IQCF1: variants seen among roughly 807,000 people sequenced by gnomAD.
The protein encoded by IQCF1 is IQ domain-containing protein F1.
IQCF1 carries 9 observed loss-of-function variants against 12.5 expected under a neutral mutation model. The observed-to-expected ratio is 0.72, with a 90% confidence interval of 0.43 to 1.26. The LOEUF (loss-of-function observed/expected upper bound fraction) is 1.26, where lower values mean the gene tolerates loss of function less well. Among genes scored for constraint, IQCF1 ranks in the 50% most tolerant of loss-of-function variants. The pLI, the probability that IQCF1 is intolerant of heterozygous loss-of-function variation, is 0.00. For missense variants in IQCF1, 252 were observed against 257.4 expected, an observed-to-expected ratio of 0.98 and a Z score of 0.14; for synonymous variants, 67 against 96.2, an observed-to-expected ratio of 0.70 and a Z score of 1.78.
intron 2 of IQCF1, among the ~76,000 whole-genome samples, chr3:51,897,175 C>T (rs1227981081): frequency 1.8e-5 from 1 of 54,722 alleles, no homozygotes; most frequent in Non-Finnish European, 4.2e-5. Flanking sequence ...AAACCTCTCA[C>T]CCCATCACTC....
intron 2 of IQCF1, among the ~76,000 whole-genome samples, chr3:51,901,609 A>G (rs1699076597): frequency 1.3e-5 from 2 of 152,296 alleles, no homozygotes; most frequent in South Asian, 4.1e-4. Flanking sequence ...CAACCAGAGG[A>G]AGGAAAAATA....
At chr3:51,898,418 G>A (rs565627750) in intron 2 of IQCF1, among the ~76,000 whole-genome samples, 11 of 152,218 alleles carry the variant, frequency 7.2e-5, no homozygotes, top group Non-Finnish European at 1.3e-4. Context: ...AAACAAGGGC[G>A]TAGCCCGAAA....
chr3:51,896,365 G>T (rs576568681), intron 3 of IQCF1, among the ~76,000 whole-genome samples: 14 of 152,080 alleles, frequency 9.2e-5, no homozygotes, highest in Non-Finnish European at 2.1e-4. Flanking sequence ...CCAAACCAAT[G>T]TATTTCTTAA....
chr3:51,901,382 C>T (rs995196199), intron 2 of IQCF1, among the ~76,000 whole-genome samples: 1 of 152,252 alleles, frequency 6.6e-6, no homozygotes, highest in Admixed American at 6.5e-5. Context: ...CTTCATGTCT[C>T]TCACGACAGG....
chr3:51,901,820 A>G (rs556542398), intron 2 of IQCF1, among the ~76,000 whole-genome samples: 2 of 152,374 alleles, frequency 1.3e-5, no homozygotes, highest in East Asian at 3.9e-4. Context: ...ACCAACAGCG[A>G]TTTATTAACT....
chr3:51,896,357 A>G (rs1324058664), intron 3 of IQCF1, among the ~76,000 whole-genome samples: 1 of 152,148 alleles, frequency 6.6e-6, no homozygotes, highest in Non-Finnish European at 1.5e-5. Flanking sequence ...TTTCTGGACC[A>G]AACCAATGTA....
At position 51,902,887 on chromosome 3, in the gene IQCF1, G is replaced by A. The variant is rs753580927; in HGVS notation, c.108+98C>T. 4.4e-5 allele frequency: 42 copies of A among 946,102 alleles called. 1 individual carries two copies. Among genetic ancestry groups the A allele is most frequent in the South Asian group, 2.9e-4 (22 of 75,976 alleles). 58.6% of individuals were successfully genotyped at this position (946,102 alleles called of 1,614,324 possible). On this transcript the variant is annotated intron_variant, in intron 2 of 3. Transcript: ENST00000310914. ...TATATTTGAGTGCTATTTCTTTTGC[G>A]GCACAGAAACTTCACTTATAACAGC...
intron 2 of IQCF1, among the ~76,000 whole-genome samples, chr3:51,898,278 TG>T (rs1297317395): frequency 7.2e-6 from 1 of 138,664 alleles, no homozygotes; most frequent in African/African-American, 2.7e-5. Flanking sequence ...GAGAGAGAGA[TG>T]GAAGTAGTAA....
intron 2 of IQCF1, among the ~76,000 whole-genome samples, chr3:51,898,425 G>A (rs1335825531): frequency 6.6e-6 from 1 of 152,218 alleles, no homozygotes; most frequent in African/African-American, 2.4e-5. Flanking sequence ...GGCGTAGCCC[G>A]AAAGCACTGA....
At chr3:51,898,074 A>C (rs1699032560) in intron 2 of IQCF1, among the ~76,000 whole-genome samples, 1 of 152,204 alleles carries the variant, frequency 6.6e-6, no homozygotes, top group Non-Finnish European at 1.5e-5. Context: ...GGGAAGAAAG[A>C]GTAGCTCCAC....
intron 2 of IQCF1, among the ~76,000 whole-genome samples, chr3:51,902,494 G>T (rs367935760): frequency 6.6e-6 from 1 of 151,738 alleles, no homozygotes; most frequent in African/African-American, 2.4e-5. Context: ...TACCTGCTCC[G>T]CCCTGACTCA....
rs1426889158 is a variant in IQCF1 at position 51,900,936 on chromosome 3, C to A, written c.108+2049G>T. Among the ~76,000 whole-genome samples, 1 of 152,110 alleles carries A rather than the reference C, an allele frequency of 6.6e-6. No homozygotes were observed. Among genetic ancestry groups the A allele is most frequent in the Non-Finnish European group, 1.5e-5 (1 of 68,016 alleles). On this transcript the variant is annotated intron_variant, in intron 2 of 3. Transcript: ENST00000310914. This position sits in a 1 kb window ranked among gnomAD's most constrained non-coding sequence, Gnocchi z 4.2. ...TTCTTTGAAATGCATTTCTTTGAAC[C>A]CCCACCGCCTGCACCTTCCTCTAAG...
intron 1 of IQCF1, 30 bp from the exon 2 acceptor site, chr3:51,903,119 G>A (rs1699099655): frequency 6.2e-7 from 1 of 1,608,664 alleles, no homozygotes; most frequent in Non-Finnish European, 8.5e-7. Context: ...AAAGGCAAGA[G>A]TGAGGCTGCG....
At chr3:51,901,274 C>T (rs765790095) in intron 2 of IQCF1, among the ~76,000 whole-genome samples, 22 of 152,162 alleles carry the variant, frequency 1.4e-4, no homozygotes, top group Non-Finnish European at 2.2e-4. Context: ...AGTAACAAGT[C>T]GTGCCATGCT....
At chr3:51,896,790 C>T (rs895903703) in intron 3 of IQCF1, 42 bp downstream of exon 3, 2 of 1,473,670 alleles carry the variant, frequency 1.4e-6, no homozygotes, top group African/African-American at 1.4e-5. Context: ...GCACAGCCCC[C>T]ACATCCCCAG....
intron 2 of IQCF1, among the ~76,000 whole-genome samples, chr3:51,897,306 C>T (rs559873804): frequency 3.0e-4 from 45 of 152,350 alleles, no homozygotes; most frequent in African/African-American, 8.4e-4. Context: ...CCTCCCTTGT[C>T]CAAGTGTGCA....
chr3:51,902,032 C>T (rs1345783975), intron 2 of IQCF1, among the ~76,000 whole-genome samples: 1 of 152,198 alleles, frequency 6.6e-6, no homozygotes, highest in Non-Finnish European at 1.5e-5. Context: ...GGTCTGACTG[C>T]CCTGTCCAAT....
At chr3:51,899,675 C>T (rs1033382560) in intron 2 of IQCF1, among the ~76,000 whole-genome samples, 2 of 152,116 alleles carry the variant, frequency 1.3e-5, no homozygotes, top group East Asian at 1.9e-4. Flanking sequence ...AATAAAAGCA[C>T]AACAGGTTTT....
Position 51,897,992 on chromosome 3 carries a change from A to G in IQCF1, c.109-1098T>C, listed in dbSNP as rs552068316. Among the ~76,000 whole-genome samples the G allele has an allele frequency of 2.6e-4, 39 of 152,284 alleles. 1 individual carries two copies. Among genetic ancestry groups the G allele is most frequent in the African/African-American group, 8.2e-4 (34 of 41,554 alleles). On this transcript the variant is annotated intron_variant, in intron 2 of 3. Transcript: ENST00000310914. ...AGGGGTCGAGCCTTCTACAAATTTC[A>G]GGGGGTTGAACCTCACACAAACCTC...
Sources: allele counts gnomAD v4.1 joint callset (sites outside exome capture counted in the v4.1 genomes callset), GRCh38; gene constraint gnomAD v4.1.1; non-coding constraint Gnocchi (gnomAD v3.1); transcripts MANE v1.5; gene names NCBI Gene and HGNC (gene_info 2026-07-23, HGNC 2026-07-21).